Variants in ASIC2 observed in about 807,000 individuals in gnomAD.
ASIC2 encodes acid-sensing ion channel 2.
ASIC2 carries 25 observed loss-of-function variants against 57.3 expected under a neutral mutation model. That is an observed-to-expected ratio of 0.44 (90% CI 0.32 to 0.61). The LOEUF (loss-of-function observed/expected upper bound fraction) is 0.61. Ranked by LOEUF, ASIC2 falls within the 20% of genes least tolerant of loss-of-function variation. The probability of loss-of-function intolerance (pLI) is 0.06; values close to 1 mark genes in which losing one functional copy is unlikely to be tolerated. For synonymous variants in ASIC2, 319 were observed against 307.5 expected (o/e 1.04, Z -0.39); for missense variants, 641 against 738.1 (o/e 0.87, Z 1.52).
At chr17:34,068,593 T>G (rs1221977308) in intron 1 of ASIC2, among the ~76,000 whole-genome samples, 4 of 152,108 alleles carry the variant, frequency 2.6e-5, no homozygotes, top group African/African-American at 9.7e-5. Context: ...AACAATGGAG[T>G]GGAACCAAAT....
At chr17:33,243,220 T>C (rs1908573980) in intron 1 of ASIC2, among the ~76,000 whole-genome samples, 1 of 152,226 alleles carries the variant, frequency 6.6e-6, no homozygotes, top group Non-Finnish European at 1.5e-5. Context: ...TTAGAATAAG[T>C]GTAACTAGTA....
chr17:33,708,897 A>T (rs1369964019), intron 1 of ASIC2, among the ~76,000 whole-genome samples: 1 of 152,186 alleles, frequency 6.6e-6, no homozygotes, highest in Non-Finnish European at 1.5e-5. Flanking sequence ...ACTTATTGCC[A>T]ATCACACCTT....
intron 1 of ASIC2, among the ~76,000 whole-genome samples, chr17:34,014,264 G>C (rs1906867190): frequency 6.6e-6 from 1 of 152,232 alleles, no homozygotes; most frequent in African/African-American, 2.4e-5. Flanking sequence ...TCAAGGCACA[G>C]AGAGGTTAAC....
rs116272831 is a variant in ASIC2, at chr17:33,114,392, G to A, written c.709-2325C>T. The stretch of plus-strand genomic sequence containing the variant: ...GCAAGGCATTGAACACACCTGGAGT[G>A]AATTCTGGGGTGCTCCAATAGAGCT... On this transcript the variant is annotated intron_variant, in intron 1 of 9. Transcript: ENST00000225823. 5.5e-3 allele frequency among the ~76,000 whole-genome samples: 831 copies of A among 152,328 alleles called. 10 individuals are homozygous for A. The highest frequency in any genetic ancestry group is 0.016 in the African/African-American group (661 of 41,576).
At chr17:33,932,729 AAAAAAAAAAAAAAT>A (rs1262111394) in intron 1 of ASIC2, 5 of 106,124 alleles carry the variant, frequency 4.7e-5, no homozygotes, top group African/African-American at 1.5e-4. Flanking sequence ...AAAAAAAAAA[AAAAAAAAAAAAAAT>A]ATATATATAT....
At chr17:33,943,119 A>T (rs1916227434) in intron 1 of ASIC2, among the ~76,000 whole-genome samples, 1 of 152,240 alleles carries the variant, frequency 6.6e-6, no homozygotes. Context: ...AAGATCACAC[A>T]ATGAGGAAAT....
At chr17:34,111,679 G>A (rs1392852474) in intron 1 of ASIC2, among the ~76,000 whole-genome samples, 2 of 152,156 alleles carry the variant, frequency 1.3e-5, no homozygotes, top group African/African-American at 4.8e-5. Flanking sequence ...GGGAGAATCT[G>A]CATTCAAATG....
chr17:34,133,270 C>G (rs1304457800), intron 1 of ASIC2, among the ~76,000 whole-genome samples: 1 of 147,824 alleles, frequency 6.8e-6, no homozygotes, highest in Non-Finnish European at 1.5e-5. Flanking sequence ...TGGTTATTTT[C>G]TACTTTTATT....
intron 3 of ASIC2, among the ~76,000 whole-genome samples, chr17:33,066,487 T>C (rs1210882367): frequency 6.6e-6 from 1 of 152,118 alleles, no homozygotes; most frequent in Non-Finnish European, 1.5e-5. Flanking sequence ...TCATGGGCCA[T>C]TTAAAGAGAC....
At chr17:33,268,643 AG>A (rs1038037258) in intron 1 of ASIC2, among the ~76,000 whole-genome samples, 47 of 152,192 alleles carry the variant, frequency 3.1e-4, no homozygotes, top group African/African-American at 1.0e-3. Context: ...GGCACTTTGG[AG>A]GGGATTTTTT....
intron 1 of ASIC2, among the ~76,000 whole-genome samples, chr17:33,742,823 C>A (rs1436075697): frequency 1.3e-5 from 2 of 152,222 alleles, no homozygotes; most frequent in African/African-American, 4.8e-5. Flanking sequence ...GTCCCTGGCA[C>A]ACGCACCGTT....
intron 1 of ASIC2, among the ~76,000 whole-genome samples, chr17:34,062,481 C>T (rs565828051): frequency 1.3e-5 from 2 of 152,096 alleles, no homozygotes; most frequent in South Asian, 4.1e-4. Context: ...GAAGAACAAA[C>T]CAAACCCAAA....
chr17:33,310,520 G>T (rs761115621), intron 1 of ASIC2, among the ~76,000 whole-genome samples: 2 of 152,168 alleles, frequency 1.3e-5, no homozygotes, highest in Admixed American at 1.3e-4. Context: ...CGAGGACAAA[G>T]GTTAGGGACT....
intron 1 of ASIC2, among the ~76,000 whole-genome samples, chr17:33,811,302 A>G (rs1332544038): frequency 6.6e-6 from 1 of 152,242 alleles, no homozygotes; most frequent in East Asian, 1.9e-4. Flanking sequence ...TGATCCAGGC[A>G]GACTGCAAAG....
intron 4 of ASIC2, 86 bp from the exon 5 acceptor site, chr17:33,026,068 G>T (rs1309020102): frequency 6.7e-6 from 10 of 1,482,048 alleles, no homozygotes; most frequent in East Asian, 2.3e-5. Context: ...TTAGGGAAAG[G>T]GGTGCCTCCT....
intron 1 of ASIC2, among the ~76,000 whole-genome samples, chr17:33,594,089 G>A (rs890116850): frequency 6.6e-6 from 1 of 152,234 alleles, no homozygotes; most frequent in African/African-American, 2.4e-5. Context: ...CATCTTGCTA[G>A]ATCTTAGCTC....
At chr17:33,956,927 T>C (rs1360812365) in intron 1 of ASIC2, among the ~76,000 whole-genome samples, 1 of 152,234 alleles carries the variant, frequency 6.6e-6, no homozygotes. Context: ...TAGCGAGGCT[T>C]CTGTAGAGAG....
intron 1 of ASIC2, among the ~76,000 whole-genome samples, chr17:33,321,976 C>A (rs950441542): frequency 6.6e-6 from 1 of 152,210 alleles, no homozygotes; most frequent in Admixed American, 6.5e-5. Flanking sequence ...CTACCTGAGA[C>A]GCCATGGCTT....
chr17:33,369,801 G>A (rs904231619), intron 1 of ASIC2, among the ~76,000 whole-genome samples: 1 of 152,168 alleles, frequency 6.6e-6, no homozygotes, highest in Non-Finnish European at 1.5e-5. Flanking sequence ...TATTAGTGCT[G>A]TTGTTGTTAT....
Sources: gnomAD v4.1 joint callset for allele counts (sites outside exome capture counted in the v4.1 genomes callset) on GRCh38, gnomAD v4.1.1 for gene constraint, MANE v1.5 for transcripts, NCBI Gene and HGNC (gene_info 2026-07-23, HGNC 2026-07-21) for gene names.